The following PALLD variants were observed in gnomAD, a reference collection of about 807,000 sequenced individuals.
PALLD encodes palladin.
PALLD carries 61 observed loss-of-function variants against 123.5 expected under a neutral mutation model. The ratio of observed to expected loss-of-function variants is 0.49; its 90% CI spans 0.40 to 0.61. The LOEUF is 0.61. PALLD is among the 20% of genes least tolerant of loss of function. PALLD has a pLI of 0.00. For synonymous variants in PALLD, 465 were observed against 496.4 expected (o/e 0.94, Z 0.84); for missense variants, 1,273 against 1,377.0 (o/e 0.92, Z 1.20).
intron 10 of PALLD, among the ~76,000 whole-genome samples, chr4:168,715,426 A>G (rs890040494): frequency 6.6e-6 from 1 of 152,228 alleles, no homozygotes; most frequent in Non-Finnish European, 1.5e-5. Flanking sequence ...TATTTCTGCA[A>G]CTCAGTGGCT....
At chr4:168,601,717 A>G (rs1167780671) in intron 2 of PALLD, among the ~76,000 whole-genome samples, 1 of 152,212 alleles carries the variant, frequency 6.6e-6, no homozygotes, top group Non-Finnish European at 1.5e-5. Flanking sequence ...AAAGAAAGCA[A>G]AATCTCAGCA....
At chr4:168,614,332 G>A (rs952097523) in intron 2 of PALLD, among the ~76,000 whole-genome samples, 5 of 152,150 alleles carry the variant, frequency 3.3e-5, no homozygotes, top group Non-Finnish European at 5.9e-5. Context: ...ACCATGCTGC[G>A]CTAGGGAGAC....
intron 8 of PALLD, among the ~76,000 whole-genome samples, chr4:168,692,465 T>A (rs1782720830): frequency 6.6e-6 from 1 of 152,226 alleles, no homozygotes; most frequent in African/African-American, 2.4e-5. Context: ...GTCTGTGAAA[T>A]GTCATTGAAT....
At chr4:168,644,617 T>C (rs1224568148) in intron 2 of PALLD, among the ~76,000 whole-genome samples, 2 of 152,152 alleles carry the variant, frequency 1.3e-5, no homozygotes, top group East Asian at 3.9e-4. Flanking sequence ...CAAAAAGCCA[T>C]GTGGTAGTTG....
intron 10 of PALLD, among the ~76,000 whole-genome samples, chr4:168,749,040 T>C (rs1271938384): frequency 6.6e-6 from 1 of 152,170 alleles, no homozygotes; most frequent in Non-Finnish European, 1.5e-5. Context: ...AGGTGGGGCC[T>C]GGTGAGAGGT....
At chr4:168,724,343 TGA>T (rs775055082) in intron 10 of PALLD, among the ~76,000 whole-genome samples, 9 of 152,246 alleles carry the variant, frequency 5.9e-5, no homozygotes, top group Non-Finnish European at 1.3e-4. Context: ...TGCAAATGTG[TGA>T]GTTTTTCATT....
At chr4:168,913,683 A>G (rs1759512449) in intron 15 of PALLD, among the ~76,000 whole-genome samples, 1 of 151,942 alleles carries the variant, frequency 6.6e-6, no homozygotes, top group African/African-American at 2.4e-5. Context: ...TAAAACAGTA[A>G]AGCTTATTTA....
chr4:168,640,088 T>A (rs1776790314), intron 2 of PALLD, among the ~76,000 whole-genome samples: 1 of 152,140 alleles, frequency 6.6e-6, no homozygotes, highest in Admixed American at 6.5e-5. Flanking sequence ...ACCTCACAAT[T>A]CCTTCAAACT....
chr4:168,909,706 C>T (rs1394735173), intron 15 of PALLD, among the ~76,000 whole-genome samples: 1 of 152,176 alleles, frequency 6.6e-6, no homozygotes, highest in Non-Finnish European at 1.5e-5. Flanking sequence ...AGCCTACTAA[C>T]TATGATTACC....
chr4:168,659,865 A>G (rs1005403362), intron 2 of PALLD, among the ~76,000 whole-genome samples: 5 of 152,230 alleles, frequency 3.3e-5, no homozygotes, highest in African/African-American at 4.8e-5. Context: ...CATAAAATCT[A>G]TATTTCCTGC....
chr4:168,685,556 A>C lies in PALLD; in HGVS notation c.1332A>C (p.Thr444=). ...TTTAYFPPVF[T]KELQNTAVAE... The stretch of plus-strand genomic sequence containing the variant: ...CTGCCTACTTTCCTCCTGTTTTTAC[A>C]AAGGTCTGACATCTGGAAGTCTCAT... The change falls in exon 6 of 22, where the codon ACA becomes ACC. Residue 444 remains threonine (T), a synonymous_variant. Coordinates refer to ENST00000505667, the MANE Select transcript of PALLD (RefSeq NM_001166108.2). 6.2e-7 allele frequency: 1 copy of C among 1,604,012 alleles called. No individual in the cohort carries two copies. Among genetic ancestry groups the C allele is most frequent in the Non-Finnish European group, 8.5e-7 (1 of 1,170,834 alleles).
At chr4:168,586,800 G>C (rs1489638371) in intron 2 of PALLD, among the ~76,000 whole-genome samples, 1 of 151,972 alleles carries the variant, frequency 6.6e-6, no homozygotes, top group Non-Finnish European at 1.5e-5. Flanking sequence ...ATCATCATCA[G>C]TTCAGTCTCT....
chr4:168,685,185 G>A (rs10018408), intron 5 of PALLD, among the ~76,000 whole-genome samples: 2,064 of 152,284 alleles, frequency 0.014, 46 homozygotes, highest in African/African-American at 0.047. Flanking sequence ...AAAGACGCAT[G>A]TGGAAGTCCC....
chr4:168,919,115 C>T (rs1430052159), intron 17 of PALLD, among the ~76,000 whole-genome samples: 1 of 152,292 alleles, frequency 6.6e-6, no homozygotes, highest in African/African-American at 2.4e-5. Context: ...ACAGTACTGT[C>T]TTTCACTGGA....
chr4:168,691,402 T>A (rs978185960), intron 8 of PALLD, 110 bp downstream of exon 8: 2 of 866,014 alleles, frequency 2.3e-6, no homozygotes, highest in Admixed American at 4.8e-5. Context: ...CAGAACAATG[T>A]TTTTGTGGCT....
chr4:168,586,510 C>G (rs530668719), intron 2 of PALLD, among the ~76,000 whole-genome samples: 1 of 152,232 alleles, frequency 6.6e-6, no homozygotes, highest in South Asian at 2.1e-4. Context: ...AGGAGCGAAT[C>G]CCTCTCTTTA....
chr4:168,924,546 A>G (rs754672305), intron 19 of PALLD, 126 bp downstream of exon 19: 24 of 1,007,104 alleles, frequency 2.4e-5, no homozygotes, highest in Non-Finnish European at 3.2e-5. Context: ...TTTTGATGAA[A>G]TCAATCAAAG....
chr4:168,652,022 C>A (rs1269482262), intron 2 of PALLD, among the ~76,000 whole-genome samples: 1 of 152,100 alleles, frequency 6.6e-6, no homozygotes, highest in Non-Finnish European at 1.5e-5. Context: ...GCAGATTCAA[C>A]ACTCCACACC....
intron 2 of PALLD, chr4:168,530,808 C>G (rs1249798387): frequency 6.6e-6 from 1 of 152,226 alleles, no homozygotes; most frequent in Non-Finnish European, 1.5e-5. Flanking sequence ...TTAAGACATT[C>G]ATATTCTCCT....
Sources: gnomAD v4.1 joint callset for allele counts (sites outside exome capture counted in the v4.1 genomes callset) on GRCh38, gnomAD v4.1.1 for gene constraint, MANE v1.5 for transcripts, NCBI Gene and HGNC (gene_info 2026-07-23, HGNC 2026-07-21) for gene names.